DOCK3: variants seen among roughly 807,000 people sequenced by gnomAD.
DOCK3 encodes the protein dedicator of cytokinesis 3, also known as dedicator of cytokinesis protein 3.
Under a neutral mutation model 265.6 loss-of-function variants are expected in DOCK3, and 60 were observed. That is an observed-to-expected ratio of 0.23 (90% CI 0.18 to 0.28). The LOEUF (loss-of-function observed/expected upper bound fraction) is 0.28. DOCK3 is among the 10% of genes least tolerant of loss of function. The probability of loss-of-function intolerance (pLI) is 1.00; values close to 1 mark genes in which losing one functional copy is unlikely to be tolerated. For synonymous variants in DOCK3, 881 were observed against 938.0 expected, an observed-to-expected ratio of 0.94 and a Z score of 1.11; for missense variants, 1,981 against 2,594.3, an observed-to-expected ratio of 0.76 and a Z score of 5.14.
At chr3:51,303,635 G>A (rs1233658758) in intron 27 of DOCK3, among the ~76,000 whole-genome samples, 1 of 152,172 alleles carries the variant, frequency 6.6e-6, no homozygotes, top group Non-Finnish European at 1.5e-5. Context: ...GTTGCTTTCT[G>A]TTTGTTTTTC....
intron 9 of DOCK3, among the ~76,000 whole-genome samples, chr3:51,096,254 G>A (rs983465725): frequency 5.9e-5 from 9 of 152,036 alleles, no homozygotes; most frequent in South Asian, 2.1e-4. Context: ...CATTCTCCCC[G>A]TCACTTTCAG....
At chr3:50,714,030 A>G (rs537225792) in intron 1 of DOCK3, among the ~76,000 whole-genome samples, 3 of 151,970 alleles carry the variant, frequency 2.0e-5, no homozygotes, top group Non-Finnish European at 2.9e-5. Context: ...ATTGCCCAGG[A>G]TGGAGTGCAG....
chr3:50,888,710 A>G (rs973841126), intron 3 of DOCK3, among the ~76,000 whole-genome samples: 3 of 152,140 alleles, frequency 2.0e-5, no homozygotes, highest in African/African-American at 7.2e-5. Context: ...AACTCCGCAT[A>G]TCTACAACTA....
At chr3:51,198,421 G>A (rs947526372) in intron 12 of DOCK3, among the ~76,000 whole-genome samples, 2 of 152,144 alleles carry the variant, frequency 1.3e-5, no homozygotes, top group East Asian at 1.9e-4. Flanking sequence ...CCGCTTCCAG[G>A]ATGTCCCAAC....
At chr3:50,903,048 C>T (rs2049285964) in intron 4 of DOCK3, among the ~76,000 whole-genome samples, 2 of 152,136 alleles carry the variant, frequency 1.3e-5, no homozygotes, top group Admixed American at 1.3e-4. Flanking sequence ...CCGATGTGGC[C>T]TATCAGCTTA....
intron 2 of DOCK3, among the ~76,000 whole-genome samples, chr3:50,818,664 T>C (rs1180400456): frequency 6.6e-6 from 1 of 152,226 alleles, no homozygotes; most frequent in African/African-American, 2.4e-5. Context: ...TTGGCTTCAC[T>C]GGGACAGGAA....
At chr3:50,922,660 C>T (rs1036440112) in intron 4 of DOCK3, among the ~76,000 whole-genome samples, 11 of 152,176 alleles carry the variant, frequency 7.2e-5, no homozygotes, top group African/African-American at 2.7e-4. Context: ...CCTTTTTGGC[C>T]ATCTTGGAAC....
rs2086604971 is a variant in DOCK3, at chr3:51,359,786, A to G, written c.4885-725A>G. 6.6e-6 allele frequency among the ~76,000 whole-genome samples: 1 copy of G among 152,236 alleles called. No homozygotes were observed. The highest frequency in any genetic ancestry group is 2.4e-5 in the African/African-American group (1 of 41,468). The stretch of plus-strand genomic sequence containing the variant: ...GGTGGAAAACCCGGTGCTTCTTCAC[A>G]CCAAGCTCAGAAATATCCCCAGTGG... On this transcript the variant is annotated intron_variant, in intron 46 of 52. Coordinates refer to ENST00000266037, the MANE Select transcript of DOCK3 (RefSeq NM_004947.5). The surrounding 1 kb of genome is among the most constrained non-coding windows in gnomAD (Gnocchi z 4.8).
intron 23 of DOCK3, among the ~76,000 whole-genome samples, chr3:51,264,702 G>C (rs532042601): frequency 1.3e-5 from 2 of 151,714 alleles, no homozygotes; most frequent in South Asian, 2.1e-4. Context: ...TGGCGGTTAC[G>C]TGTAGTCCCA....
At chr3:50,697,527 G>A (rs530325694) in intron 1 of DOCK3, among the ~76,000 whole-genome samples, 1 of 152,248 alleles carries the variant, frequency 6.6e-6, no homozygotes, top group East Asian at 1.9e-4. Context: ...GGAGGCGGAG[G>A]TTGCAGTGAG....
chr3:51,224,073 G>A (rs776942862), intron 14 of DOCK3, among the ~76,000 whole-genome samples: 4 of 152,226 alleles, frequency 2.6e-5, no homozygotes, highest in Non-Finnish European at 5.9e-5. Flanking sequence ...ATATGCAACA[G>A]TGGCATTTTG....
intron 7 of DOCK3, among the ~76,000 whole-genome samples, chr3:51,088,509 A>G (rs1477182406): frequency 6.6e-6 from 1 of 152,272 alleles, no homozygotes; most frequent in Non-Finnish European, 1.5e-5. Context: ...TGCATGTATC[A>G]AAATATCACA....
chr3:51,346,965 T>C (rs927732328), intron 38 of DOCK3, among the ~76,000 whole-genome samples: 20 of 152,240 alleles, frequency 1.3e-4, no homozygotes, highest in African/African-American at 4.6e-4. Flanking sequence ...TCATATCCTT[T>C]GCCCACTTTT....
chr3:50,899,500 T>C (rs1292515182), intron 4 of DOCK3, among the ~76,000 whole-genome samples: 1 of 152,222 alleles, frequency 6.6e-6, no homozygotes, highest in Non-Finnish European at 1.5e-5. Context: ...TTGTTATGTG[T>C]GAATTTGATC....
At chr3:51,115,244 A>G (rs2083683897) in intron 9 of DOCK3, among the ~76,000 whole-genome samples, 2 of 152,154 alleles carry the variant, frequency 1.3e-5, no homozygotes, top group East Asian at 1.9e-4. Context: ...TGGTTGAACT[A>G]CTTTACACTC....
intron 9 of DOCK3, among the ~76,000 whole-genome samples, chr3:51,118,753 C>A (rs1253969238): frequency 6.6e-6 from 1 of 151,222 alleles, no homozygotes; most frequent in Non-Finnish European, 1.5e-5. Context: ...TGGTCTTGAT[C>A]GTGTTGGTTA....
At chr3:51,380,234 C>T in intron 52 of DOCK3, 27 bp downstream of exon 52, 1 of 1,601,566 alleles carries the variant, frequency 6.2e-7, no homozygotes, top group Non-Finnish European at 8.5e-7. Flanking sequence ...GCAGCCCCAC[C>T]AGGCTGTGAG....
chr3:51,110,535 C>T (rs1188438364), intron 9 of DOCK3, among the ~76,000 whole-genome samples: 4 of 152,154 alleles, frequency 2.6e-5, no homozygotes, highest in African/African-American at 7.2e-5. Context: ...TTTCAACATA[C>T]TCAGATGAAT....
At chr3:50,968,265 C>G (rs1372399385) in intron 5 of DOCK3, among the ~76,000 whole-genome samples, 1 of 152,018 alleles carries the variant, frequency 6.6e-6, no homozygotes, top group Non-Finnish European at 1.5e-5. Context: ...CTCCTGAGCT[C>G]AAGAAATCCT....
Sources: gnomAD v4.1 joint callset for allele counts (sites outside exome capture counted in the v4.1 genomes callset) on GRCh38, gnomAD v4.1.1 for gene constraint, Gnocchi (gnomAD v3.1) non-coding constraint, MANE v1.5 for transcripts, NCBI Gene and HGNC (gene_info 2026-07-23, HGNC 2026-07-21) for gene names.